TTN: variants seen among roughly 807,000 people sequenced by gnomAD.
The protein encoded by TTN is titin.
A neutral mutation model predicts 3,223.0 loss-of-function variants in TTN; 1,525 were observed. That is an observed-to-expected ratio of 0.47 (90% CI 0.45 to 0.49). The LOEUF (loss-of-function observed/expected upper bound fraction) is 0.49. Ranked by LOEUF, TTN falls within the 20% of genes least tolerant of loss-of-function variation. TTN has a pLI of 0.00. For synonymous variants in TTN, 14,094 were observed against 15,161.0 expected (o/e 0.93, Z 5.17); for missense variants, 40,786 against 43,424.0 (o/e 0.94, Z 5.40).
chr2:178,549,323 T>G lies in TTN; in HGVS notation c.92303A>C (p.Lys30768Thr). ...RREKKSTRWVKVISKRPISET... is the reference protein window; with the variant it reads ...RREKKSTRWVTVISKRPISET... ...AGAGATTGGTCGTTTGCTGATCACT[T>G]TTACCCATCTTGTGCTTTTCTTTTC... Residue 30768 changes from lysine to threonine, a missense_variant, in exon 339 of 363, where the codon AAA (lysine) becomes ACA (threonine). Physicochemically the swap from Lys to Thr is moderately conservative, Grantham distance 78. Coordinates refer to ENST00000589042, the MANE Select transcript of TTN (RefSeq NM_001267550.2). 1.2e-6 allele frequency: 2 copies of G among 1,613,916 alleles called. No homozygotes were observed. The highest frequency in any genetic ancestry group is 2.2e-5 in the East Asian group (1 of 44,870).
rs115532048 is a variant in TTN, at chr2:178,739,527, C to T, written c.13706G>A (p.Ser4569Asn). ...CTCTTTTTCCTCTGATGGTTTCAGA[C>T]TCTCATCTTGTTTTTCGTCAGAGAC... The part of the protein sequence containing the change: ...AVVSDEKQDE[S>N]LKPSEEKEES... Residue 4569 changes from serine (S) to asparagine (N), a missense_variant, in exon 48 of 363, where the codon AGT becomes AAT. Physicochemically the swap from Ser to Asn is conservative, Grantham distance 46. Coordinates refer to ENST00000589042, the MANE Select transcript of TTN (RefSeq NM_001267550.2). 6.9e-4 allele frequency: 1,109 copies of T among 1,613,784 alleles called. 5 individuals are homozygous for T. In the African/African-American group the frequency reaches 0.012, roughly 18 times the overall value.
At position 178,592,109 on chromosome 2, in the gene TTN, T is replaced by G; in HGVS notation, c.59795A>C (p.Lys19932Thr). The stretch of plus-strand genomic sequence containing the variant: ...ATGCTTAGCGAAGTGACTCTTTTTC[T>G]TTGATGTAGCTGAGAGAGGTGACCA... ...AQWSPLSATS[K>T]KKSHFAKHLN... Residue 19932 changes from lysine (K) to threonine (T), a missense_variant, in exon 302 of 363, where the codon AAG (lysine) becomes ACG (threonine). Coordinates refer to ENST00000589042, the MANE Select transcript of TTN (RefSeq NM_001267550.2). 2 of 1,612,984 alleles carry G rather than the reference T, an allele frequency of 1.2e-6. No homozygotes were observed. Among genetic ancestry groups the G allele is most frequent in the South Asian group, 1.1e-5 (1 of 91,056 alleles).
In TTN at chr2:178,534,108, A is replaced by G; in HGVS notation, c.102507T>C (p.Thr34169=). Reference sequence around the variant, plus strand: ...CCAGCTGTCGGACGCCAAAGTACCAAGTCACTTGGGTAGACTGATCATAAT... The same window carrying G: ...CCAGCTGTCGGACGCCAAAGTACCAGGTCACTTGGGTAGACTGATCATAAT... ...IENYDQSTQV[T]WYFGVRQLEN... is the part of the protein sequence containing the mutation. The change falls in exon 358 of 363, where the codon ACT becomes ACC. Residue 34169 remains threonine, a synonymous_variant. Coordinates refer to ENST00000589042, the MANE Select transcript of TTN (RefSeq NM_001267550.2). 6.8e-6 allele frequency: 11 copies of G among 1,613,972 alleles called. No homozygotes were observed. Among genetic ancestry groups the G allele is most frequent in the Non-Finnish European group, 9.3e-6 (11 of 1,179,860 alleles).
At position 178,557,735 on chromosome 2, in the gene TTN, C is replaced by T. The variant is rs1403726987; in HGVS notation, c.87619G>A (p.Glu29207Lys). 5.0e-6 allele frequency: 8 copies of T among 1,613,764 alleles called. No individual in the cohort carries two copies. The highest frequency in any genetic ancestry group is 6.8e-6 in the Non-Finnish European group (8 of 1,179,820). Residue 29207 changes from glutamate (E) to lysine (K), a missense_variant, in exon 328 of 363, where the codon GAA becomes AAA. By Grantham distance (56) the Glu-to-Lys change is moderately conservative. Transcript: ENST00000589042. ...MKVMKLTTGE[E>K]YQFRIKAENR... ...TCTGCCTTGATGCGGAATTGGTATT[C>T]TTCTCCTGTGGTCAGTTTCATGACT...
At chr2:178,764,432 A>C in intron 42 of TTN, 95 bp downstream of exon 42, 1 of 1,610,346 alleles carries the variant, frequency 6.2e-7, no homozygotes, top group Non-Finnish European at 8.5e-7. Flanking sequence ...ATCTACTTTT[A>C]TGAGCTCCAA....
In TTN at chr2:178,615,793, G is replaced by C; in HGVS notation, c.48313-5C>G. Reference sequence around the variant, plus strand: ...ATCAGTCACAAAGTCCATAACCTGGGACAAAGAAATACAGTTAATCAGTTA... The same window carrying C: ...ATCAGTCACAAAGTCCATAACCTGGCACAAAGAAATACAGTTAATCAGTTA... On this transcript the variant is annotated splice_region_variant and splice_polypyrimidine_tract_variant and intron_variant, in intron 257 of 362. Transcript: ENST00000589042. 6.2e-7 allele frequency: 1 copy of C among 1,604,638 alleles called. No individual in the cohort carries two copies. Among genetic ancestry groups the C allele is most frequent in the Non-Finnish European group, 8.5e-7 (1 of 1,176,494 alleles).
rs751420355 is a variant in TTN, at chr2:178,546,236, C to T, written c.95095G>A (p.Val31699Met). Residue 31699 changes from valine to methionine, a missense_variant, in exon 342 of 363, where the codon GTG becomes ATG. Val to Met is a conservative substitution (Grantham distance 21). Transcript: ENST00000589042. ...TVKNASGTKA[V>M]SVMVKVLDSP... ...CCAAGCACTTTGACCATGACAGACACGGCCTTGGTCCCGCTGGCATTTTTC... is the reference window on the plus strand; with the variant it reads ...CCAAGCACTTTGACCATGACAGACATGGCCTTGGTCCCGCTGGCATTTTTC... 2.7e-5 allele frequency: 43 copies of T among 1,611,366 alleles called. No individual in the cohort carries two copies. Among genetic ancestry groups the T allele is most frequent in the South Asian group, 9.9e-5 (9 of 90,860 alleles).
At position 178,531,596 on chromosome 2, in the gene TTN, C is replaced by A; in HGVS notation, c.105019G>T (p.Asp35007Tyr). 1 of 1,613,980 alleles carries A rather than the reference C, an allele frequency of 6.2e-7. No individual in the cohort carries two copies. Among genetic ancestry groups the A allele is most frequent in the South Asian group, 1.1e-5 (1 of 91,082 alleles). Reference sequence around the variant, plus strand: ...ACAGCACGGTAGGTTCCACTGTCATCAGTATGACAGTCCAGAATTTCCAGG... The same window carrying A: ...ACAGCACGGTAGGTTCCACTGTCATAAGTATGACAGTCCAGAATTTCCAGG... The part of the protein sequence containing the change: ...LTLEILDCHT[D>Y]DSGTYRAVCT... The change falls in exon 358 of 363, where the codon GAT becomes TAT. Residue 35007 changes from aspartate (D) to tyrosine (Y), a missense_variant. Physicochemically the swap from Asp to Tyr is radical, Grantham distance 160. Transcript: ENST00000589042.
rs765734391 is a variant in TTN, at chr2:178,593,458, C to G, written c.58750G>C (p.Asp19584His). 6.2e-7 allele frequency: 1 copy of G among 1,610,838 alleles called. No homozygotes were observed. Among genetic ancestry groups the G allele is most frequent in the Non-Finnish European group, 8.5e-7 (1 of 1,179,194 alleles). ...GTAACTTCTGTAACAATTGGCTGAT[C>G]AGGTGCATCAGGAACCCCTGTAACA... ...KDRFRVPDAP[D>H]QPIVTEVTKD... The change falls in exon 299 of 363, where the codon GAT becomes CAT. Residue 19584 changes from aspartate (D) to histidine (H), a missense_variant. Transcript: ENST00000589042.
chr2:178,742,108 G>T (rs2082600287), intron 47 of TTN, among the ~76,000 whole-genome samples, 187 bp from the exon 48 acceptor site: 2 of 151,924 alleles, frequency 1.3e-5, no homozygotes, highest in Non-Finnish European at 2.9e-5. Context: ...ATAAAATTAT[G>T]CAAAATTATA....
At position 178,634,768 on chromosome 2, in the gene TTN, A is replaced by G; in HGVS notation, c.42106T>C (p.Tyr14036His). Residue 14036 changes from tyrosine (Y) to histidine (H), a missense_variant, in exon 229 of 363, where the codon TAC (tyrosine) becomes CAC (histidine). Tyr to His is a moderately conservative substitution (Grantham distance 83, BLOSUM62 2). Coordinates refer to ENST00000589042, the MANE Select transcript of TTN (RefSeq NM_001267550.2). This position sits in a 1 kb window ranked among gnomAD's most constrained non-coding sequence, Gnocchi z 4.6. ...VKLDQAGEVL[Y>H]QALNAITTAI... is the part of the protein sequence containing the mutation. Reference sequence around the variant, plus strand: ...GTTGTAATTGCATTAAGGGCCTGGTAGAGGACTTCACCAGCTTGGTCCAGT... The same window carrying G: ...GTTGTAATTGCATTAAGGGCCTGGTGGAGGACTTCACCAGCTTGGTCCAGT... The G allele has an allele frequency of 1.2e-6, 2 of 1,613,276 alleles. No individual in the cohort carries two copies. The highest frequency in any genetic ancestry group is 1.7e-6 in the Non-Finnish European group (2 of 1,179,448).
At position 178,605,176 on chromosome 2, in the gene TTN, A is replaced by T; in HGVS notation, c.54001T>A (p.Ser18001Thr). ...TTTTCAATTACAGTTTCATTTTTGG[A>T]CCATTCAATCTTAGGCATTGGAAGG... ...TGLPMPKIEW[S>T]KNETVIEKPT... Residue 18001 changes from serine (S) to threonine (T), a missense_variant, in exon 280 of 363, where the codon TCC (serine) becomes ACC (threonine). Ser to Thr is a moderately conservative substitution (Grantham distance 58). Transcript: ENST00000589042. The T allele has an allele frequency of 6.2e-7, 1 of 1,612,312 alleles. No individual in the cohort carries two copies. Among genetic ancestry groups the T allele is most frequent in the Non-Finnish European group, 8.5e-7 (1 of 1,179,126 alleles).
Position 178,732,547 on chromosome 2 carries a change from C to T in TTN, c.16514G>A (p.Ser5505Asn), listed in dbSNP as rs2080739721. 6.2e-7 allele frequency: 1 copy of T among 1,613,666 alleles called. No homozygotes were observed. Among genetic ancestry groups the T allele is most frequent in the African/African-American group, 1.3e-5 (1 of 75,038 alleles). The change falls in exon 56 of 363, where the codon AGT becomes AAT. Residue 5505 changes from serine (S) to asparagine (N), a missense_variant. Physicochemically the swap from Ser to Asn is conservative, Grantham distance 46. Coordinates refer to ENST00000589042, the MANE Select transcript of TTN (RefSeq NM_001267550.2). ...TTTTACTAAATAGAGTTCCAGGGAA[C>T]TCTCTAAAGCTTCTTTGGTAATATA... ...SCYITKEALE[S>N]SLELYLVKTS...
chr2:178,704,383 T>G lies in TTN; in HGVS notation c.29987A>C (p.Gln9996Pro). 6.2e-7 allele frequency: 1 copy of G among 1,613,636 alleles called. No homozygotes were observed. The highest frequency in any genetic ancestry group is 8.5e-7 in the Non-Finnish European group (1 of 1,179,558). Residue 9996 changes from glutamine (Q) to proline (P), a missense_variant, in exon 106 of 363, where the codon CAG becomes CCG. Transcript: ENST00000589042. ...VIEPAWERHLQDVTLKEGQTC... is the reference protein window; with the variant it reads ...VIEPAWERHLPDVTLKEGQTC... The stretch of plus-strand genomic sequence containing the variant: ...CTGGCCTTCTTTCAGAGTCACATCC[T>G]GAAGATGCCGTTCCCATGCAGGCTC...
At chr2:178,623,143 G>A (rs189132601) in intron 242 of TTN, among the ~76,000 whole-genome samples, 11 of 151,956 alleles carry the variant, frequency 7.2e-5, no homozygotes, top group Admixed American at 7.2e-4. Context: ...AAGAAACATT[G>A]TCTTATTTAA....
chr2:178,528,963 T>C lies in TTN; in HGVS notation c.106788A>G (p.Thr35596=). ...TTCTGACTTCTTCTGATGCCTGTGA[T>C]GTTTTAGTGATTTCCTCATGGACAA... is the stretch of plus-strand genomic sequence containing the variant. ...KSIVHEEITK[T]SQASEEVRTH... is the part of the protein sequence containing the mutation. Residue 35596 remains threonine (T), a synonymous_variant, in exon 360 of 363, where the codon ACA becomes ACG. Transcript: ENST00000589042. The C allele has an allele frequency of 6.2e-7, 1 of 1,614,028 alleles. No homozygotes were observed. The highest frequency in any genetic ancestry group is 1.3e-5 in the African/African-American group (1 of 75,056).
In TTN at chr2:178,557,681, C is replaced by A; in HGVS notation, c.87673G>T (p.Asp29225Tyr). The A allele has an allele frequency of 1.9e-6, 3 of 1,613,954 alleles. No homozygotes were observed. The highest frequency in any genetic ancestry group is 2.5e-6 in the Non-Finnish European group (3 of 1,179,852). ...AGTTTGACAGTCACACAAGCTGAAT[C>A]TATATGATCACTGATGCCAAAGCGG... ...ENRFGISDHI[D>Y]SACVTVKLPY... The change falls in exon 328 of 363, where the codon GAT becomes TAT. Residue 29225 changes from aspartate (D) to tyrosine (Y), a missense_variant. Physicochemically the swap from Asp to Tyr is radical, Grantham distance 160 (BLOSUM62 -3). Coordinates refer to ENST00000589042, the MANE Select transcript of TTN (RefSeq NM_001267550.2).
chr2:178,729,706 C>T lies in TTN; in HGVS notation c.18547G>A (p.Asp6183Asn). The T allele has an allele frequency of 6.2e-7, 1 of 1,613,780 alleles. No homozygotes were observed. The highest frequency in any genetic ancestry group is 8.5e-7 in the Non-Finnish European group (1 of 1,179,738). The change falls in exon 63 of 363, where the codon GAC (aspartate) becomes AAC (asparagine). Residue 6183 changes from aspartate to asparagine, a missense_variant. Coordinates refer to ENST00000589042, the MANE Select transcript of TTN (RefSeq NM_001267550.2). ...SGTYVCEARNDAGTASCSIEL... is the reference protein window; with the variant it reads ...SGTYVCEARNNAGTASCSIEL... ...ATGCTGCAGCTCGCCGTGCCTGCGT[C>T]ATTTCGAGCTTCACACACATAAGTC...
intron 244 of TTN, 32 bp from the exon 245 acceptor site, chr2:178,621,773 G>T (rs767219013): frequency 1.9e-6 from 3 of 1,608,270 alleles, no homozygotes; most frequent in South Asian, 2.2e-5. Context: ...AAACCACATT[G>T]AGTTAAGCTG....
Sources: gnomAD v4.1 joint callset for allele counts (sites outside exome capture counted in the v4.1 genomes callset) on GRCh38, gnomAD v4.1.1 for gene constraint, Gnocchi (gnomAD v3.1) non-coding constraint, MANE v1.5 for transcripts, NCBI Gene and HGNC (gene_info 2026-07-23, HGNC 2026-07-21) for gene names.